DHRS4L2: variants seen among roughly 807,000 people sequenced by gnomAD.
DHRS4L2 encodes the protein dehydrogenase/reductase 4 like 2.
Under a neutral mutation model 23.9 loss-of-function variants are expected in DHRS4L2, and 22 were observed. The observed-to-expected ratio is 0.92, with a 90% CI of 0.66 to 1.31. DHRS4L2 has a LOEUF of 1.31. DHRS4L2 is among the 40% of genes most tolerant of loss of function. The pLI, the probability that DHRS4L2 is intolerant of heterozygous loss-of-function variation, is 0.00. For synonymous variants in DHRS4L2, 141 were observed against 123.7 expected (o/e 1.14, Z -0.93); for missense variants, 385 against 303.3 (o/e 1.27, Z -2.00).
chr14:24,001,240 G>A lies in DHRS4L2; in HGVS notation c.532-144G>A, dbSNP rs1421804160. On this transcript the variant is annotated intron_variant, in intron 5 of 7. Coordinates refer to ENST00000335125, the MANE Select transcript of DHRS4L2 (RefSeq NM_198083.4). ...CCTTGCCTCCACAAACCATAACCTA[G>A]GGGAGGTTTAGCCACAAGACAGTTT... The A allele has an allele frequency of 1.9e-6, 3 of 1,572,950 alleles. 1 individual carries two copies. The African/African-American group carries it at 4.3e-5, about 23-fold the overall frequency.
At position 24,001,386 on chromosome 14, in the gene DHRS4L2, C is replaced by A. The variant is rs141795378; in HGVS notation, c.534C>A (p.Gly178=). 2.3e-3 allele frequency: 3,691 copies of A among 1,606,418 alleles called. 71 individuals are homozygous for A. The highest frequency in any genetic ancestry group is 2.8e-3 in the Non-Finnish European group (3,322 of 1,178,876). The part of the protein sequence containing the change: ...SSIAAFSPSP[G]FSPYNVSKTA... Reference sequence around the variant, plus strand: ...AACACATTCTCTTCTTTCTCCAGGGCTTCAGTCCTTACAATGTCAGTAAAA... The same window carrying A: ...AACACATTCTCTTCTTTCTCCAGGGATTCAGTCCTTACAATGTCAGTAAAA... Residue 178 remains glycine, a splice_region_variant and synonymous_variant, in exon 6 of 8, where the codon GGC becomes GGA. Transcript: ENST00000335125.
At chr14:23,983,348 T>G (rs1251250560) in intron 1 of DHRS4L2, among the ~76,000 whole-genome samples, 4 of 151,698 alleles carry the variant, frequency 2.6e-5, no homozygotes, top group Non-Finnish European at 4.4e-5. Context: ...CCCACACCAG[T>G]TAGAATGGCA....
At chr14:23,995,999 T>C (rs2034376153) in intron 3 of DHRS4L2, among the ~76,000 whole-genome samples, 1 of 151,762 alleles carries the variant, frequency 6.6e-6, no homozygotes, top group Non-Finnish European at 1.5e-5. Flanking sequence ...TGCCAGTATC[T>C]GCTTCTGATG....
At chr14:23,974,324 T>C (rs1392868446) in intron 1 of DHRS4L2, among the ~76,000 whole-genome samples, 1 of 150,238 alleles carries the variant, frequency 6.7e-6, no homozygotes, top group Non-Finnish European at 1.5e-5. Context: ...CACCCTAACC[T>C]CAAAATTAAA....
At chr14:23,988,838 A>G, upstream of DHRS4L2, 1 of 1,447,206 alleles carries the variant, frequency 6.9e-7, no homozygotes, top group Admixed American at 2.4e-5. Flanking sequence ...CAGCTGGCCG[A>G]GGGCGGGAAG....
intron 1 of DHRS4L2, among the ~76,000 whole-genome samples, chr14:23,982,113 C>T (rs372907628): frequency 1.5e-4 from 23 of 151,758 alleles, no homozygotes; most frequent in African/African-American, 3.4e-4. Flanking sequence ...TCCCATCCCA[C>T]GTGGCCATAT....
intron 3 of DHRS4L2, among the ~76,000 whole-genome samples, chr14:23,996,132 T>A (rs2034377666): frequency 6.6e-6 from 1 of 151,634 alleles, no homozygotes; most frequent in South Asian, 2.1e-4. Context: ...CATGAAATAA[T>A]AGAGTGAGAA....
At chr14:23,990,965 A>T (rs1378644448) in intron 2 of DHRS4L2, 17 of 836,096 alleles carry the variant, frequency 2.0e-5, no homozygotes, top group Non-Finnish European at 2.3e-5. Flanking sequence ...ACTGGACTTC[A>T]GTCTCAAAGA....
chr14:24,001,074 G>C lies in DHRS4L2; in HGVS notation c.521G>C (p.Ser174Thr). Residue 174 changes from serine (S) to threonine (T), a missense_variant, in exon 5 of 8, where the codon AGT becomes ACT. By Grantham distance (58) the Ser-to-Thr change is moderately conservative. Transcript: ENST00000335125. Reference sequence around the variant, plus strand: ...ATCGTGTCTTCCATAGCAGCCTTCAGTCCATCTCCTGTAAGAACCCTTTTG... The same window carrying C: ...ATCGTGTCTTCCATAGCAGCCTTCACTCCATCTCCTGTAAGAACCCTTTTG... ...VVIVSSIAAF[S>T]PSPGFSPYNV... is the part of the protein sequence containing the mutation. The C allele has an allele frequency of 1.9e-6, 3 of 1,611,024 alleles. No homozygotes were observed. The highest frequency in any genetic ancestry group is 2.2e-5 in the East Asian group (1 of 44,876).
upstream of DHRS4L2, among the ~76,000 whole-genome samples, chr14:23,985,448 G>A (rs1341315661): frequency 1.3e-5 from 2 of 151,562 alleles, no homozygotes; most frequent in African/African-American, 4.8e-5. Flanking sequence ...ACTTGTGTCA[G>A]TGATGCATGA....
At chr14:23,985,699 G>T (rs2034127028), upstream of DHRS4L2, among the ~76,000 whole-genome samples, 1 of 151,498 alleles carries the variant, frequency 6.6e-6, no homozygotes, top group African/African-American at 2.4e-5. Context: ...TCCCTGAAAG[G>T]TTTCTTGTTC....
chr14:23,990,707 C>G, intron 2 of DHRS4L2: 6 of 1,019,618 alleles, frequency 5.9e-6, no homozygotes, highest in African/African-American at 5.2e-5. Context: ...AGAGTCAAGT[C>G]CCTGGGAACC....
chr14:23,983,536 T>C (rs1217455401), intron 1 of DHRS4L2, among the ~76,000 whole-genome samples: 2 of 151,712 alleles, frequency 1.3e-5, no homozygotes, highest in Non-Finnish European at 2.9e-5. Flanking sequence ...ACTGGGTATA[T>C]ATCCAAAGGA....
chr14:23,994,616 A>T (rs905787844), intron 2 of DHRS4L2, among the ~76,000 whole-genome samples: 2 of 151,674 alleles, frequency 1.3e-5, no homozygotes, highest in African/African-American at 4.8e-5. Context: ...TGAACCCAGT[A>T]GGTCAAGGCT....
At chr14:23,999,119 A>C (rs4982836) in intron 3 of DHRS4L2, among the ~76,000 whole-genome samples, 1 of 134,162 alleles carries the variant, frequency 7.5e-6, no homozygotes, top group East Asian at 2.4e-4. Context: ...AACATTTTTC[A>C]ATTAAGTTGA....
At chr14:23,979,516 T>C (rs2034023320) in intron 1 of DHRS4L2, among the ~76,000 whole-genome samples, 1 of 87,608 alleles carries the variant, frequency 1.1e-5, no homozygotes, top group Non-Finnish European at 2.0e-5. Context: ...CAGCACCACA[T>C]CGCACTTATT....
At chr14:23,977,574 A>T (rs1019853039) in intron 1 of DHRS4L2, among the ~76,000 whole-genome samples, 2 of 151,826 alleles carry the variant, frequency 1.3e-5, no homozygotes, top group African/African-American at 4.8e-5. Flanking sequence ...ATAAAATTTA[A>T]AAGCTGTGGG....
In DHRS4L2 at chr14:24,006,193, C is replaced by G. The variant is rs1247213018; in HGVS notation, c.*330C>G. The G allele has an allele frequency of 2.5e-6, 3 of 1,222,880 alleles. No homozygotes were observed. Among genetic ancestry groups the G allele is most frequent in the Non-Finnish European group, 3.3e-6 (3 of 919,360 alleles). 75.8% of individuals were successfully genotyped at this position (1,222,880 alleles called of 1,614,324 possible). A position where few individuals can be genotyped will look rare whatever the true frequency, so the allele number is the denominator to read the frequency against. ...CTCGGGATTCCTGCTGTTGTTGTGGCCTTGGGTAAAGGCCTCCCCTGAGAA... is the reference window on the plus strand; with the variant it reads ...CTCGGGATTCCTGCTGTTGTTGTGGGCTTGGGTAAAGGCCTCCCCTGAGAA... On this transcript the variant is annotated 3_prime_UTR_variant, in exon 8 of 8. Coordinates refer to ENST00000335125, the MANE Select transcript of DHRS4L2 (RefSeq NM_198083.4).
At chr14:23,990,994 C>G (rs1275418831) in intron 2 of DHRS4L2, 15 of 655,740 alleles carry the variant, frequency 2.3e-5, no homozygotes, top group Non-Finnish European at 2.3e-5. Context: ...AAGTCAATGT[C>G]ATAATTAGTA....
Sources: allele counts gnomAD v4.1 joint callset (sites outside exome capture counted in the v4.1 genomes callset), GRCh38; gene constraint gnomAD v4.1.1; transcripts MANE v1.5; gene names NCBI Gene and HGNC (gene_info 2026-07-23, HGNC 2026-07-21).